Variants in ZNF480 observed in about 807,000 individuals in gnomAD.
ZNF480 encodes zinc finger protein 480.
A neutral mutation model predicts 14.4 loss-of-function variants in ZNF480; 15 were observed. That is an observed-to-expected ratio of 1.04 (90% confidence interval 0.70 to 1.60). ZNF480 has a LOEUF of 1.60. ZNF480 is among the 40% of genes most tolerant of loss of function. The pLI is 0.00. For missense variants in ZNF480, 593 were observed against 629.7 expected (o/e 0.94, Z 0.62); for synonymous variants, 218 against 215.5 (o/e 1.01, Z -0.10).
At chr19:52,317,099 C>T (rs1983594679) in intron 4 of ZNF480, among the ~76,000 whole-genome samples, 1 of 152,004 alleles carries the variant, frequency 6.6e-6, no homozygotes, top group Non-Finnish European at 1.5e-5. Flanking sequence ...CTCACTGCAA[C>T]CTCCACCCTC....
chr19:52,322,108 G>A lies in ZNF480; in HGVS notation c.858G>A (p.Pro286=), dbSNP rs146275422. The change falls in exon 5 of 5, where the codon CCG becomes CCA. Residue 286 remains proline (P), a synonymous_variant. Coordinates refer to ENST00000595962, the MANE Select transcript of ZNF480 (RefSeq NM_144684.4). ...AAAGAATTCATACCAGAGAGAAGCC[G>A]TATGAATGTAATGAATGTGGTAAAG... ...RHQRIHTREK[P]YECNECGKVF... The A allele has an allele frequency of 4.5e-5, 73 of 1,613,578 alleles. No homozygotes were observed. In the Middle Eastern group the frequency reaches 5.0e-4, roughly 11 times the overall value.
At chr19:52,303,669 G>A (rs1729892855) in intron 2 of ZNF480, among the ~76,000 whole-genome samples, 1 of 152,156 alleles carries the variant, frequency 6.6e-6, no homozygotes, top group Admixed American at 6.5e-5. Context: ...TTATGTACTT[G>A]TTTTTCAATG....
intron 2 of ZNF480, among the ~76,000 whole-genome samples, chr19:52,309,416 C>T (rs1460084466): frequency 2.0e-5 from 3 of 152,168 alleles, no homozygotes; most frequent in African/African-American, 2.4e-5. Context: ...CTGGGGTCTG[C>T]ACTGTCACCT....
Position 52,321,655 on chromosome 19 carries a change from T to G in ZNF480, c.405T>G (p.His135Gln), listed in dbSNP as rs1568636494. Residue 135 changes from histidine to glutamine, a missense_variant, in exon 5 of 5, where the codon CAT becomes CAG. His to Gln is a conservative substitution (Grantham distance 24). Transcript: ENST00000595962. The part of the protein sequence containing the change: ...KKQLGVSFHL[H>Q]LSELELFPDE... Reference sequence around the variant, plus strand: ...AACTTGGAGTATCCTTTCACTTACATCTGTCTGAACTGGAGCTATTTCCAG... The same window carrying G: ...AACTTGGAGTATCCTTTCACTTACAGCTGTCTGAACTGGAGCTATTTCCAG... 7 of 1,613,700 alleles carry G rather than the reference T, an allele frequency of 4.3e-6. No individual in the cohort carries two copies. Among genetic ancestry groups the G allele is most frequent in the Non-Finnish European group, 5.9e-6 (7 of 1,179,770 alleles).
In ZNF480 at chr19:52,310,479, T is replaced by C. The variant is rs183982842; in HGVS notation, c.73-3674T>C. ...TCCTGCCTCCAACCCCAACTAATTT[T>C]TTTTTTTTTAACCTCTCTTTCTGGC... is the stretch of plus-strand genomic sequence containing the variant. On this transcript the variant is annotated intron_variant, in intron 2 of 4. Transcript: ENST00000595962. 2.5e-3 allele frequency among the ~76,000 whole-genome samples: 375 copies of C among 152,214 alleles called. 2 individuals are homozygous for C. The highest frequency in any genetic ancestry group is 0.014 in the Middle Eastern group (4 of 294).
intron 2 of ZNF480, among the ~76,000 whole-genome samples, chr19:52,305,017 T>G (rs12984654): frequency 0.66 from 100,539 of 151,786 alleles, 34,609 homozygotes; most frequent in Non-Finnish European, 0.76. Flanking sequence ...GAGAATGGCG[T>G]GAACCTGGGA....
chr19:52,298,606 G>A (rs1982532639), intron 1 of ZNF480, among the ~76,000 whole-genome samples: 1 of 151,670 alleles, frequency 6.6e-6, no homozygotes, highest in African/African-American at 2.4e-5. Context: ...ACTCCAGGCT[G>A]GGCGACAAGA....
intron 4 of ZNF480, among the ~76,000 whole-genome samples, chr19:52,319,104 T>A (rs1299082037): frequency 1.3e-5 from 2 of 152,072 alleles, no homozygotes; most frequent in African/African-American, 2.4e-5. Context: ...CCTCAAGCAA[T>A]CTGCCCGCCT....
At chr19:52,306,743 T>G (rs1055148948) in intron 2 of ZNF480, among the ~76,000 whole-genome samples, 1 of 152,172 alleles carries the variant, frequency 6.6e-6, no homozygotes, top group African/African-American at 2.4e-5. Flanking sequence ...GTTGATCAGG[T>G]GGGTGTATTC....
chr19:52,300,274 G>A, intron 1 of ZNF480, 120 bp from the exon 2 acceptor site: 1 of 1,037,162 alleles, frequency 9.6e-7, no homozygotes, highest in Non-Finnish European at 1.4e-6. Flanking sequence ...ATCAACTCTG[G>A]TGCAGTGGGC....
chr19:52,310,987 A>T (rs1983252267), intron 2 of ZNF480, among the ~76,000 whole-genome samples: 1 of 144,400 alleles, frequency 6.9e-6, no homozygotes, highest in Non-Finnish European at 1.5e-5. Flanking sequence ...CCTGGGTGAC[A>T]GAGCGAGATT....
At position 52,322,012 on chromosome 19, in the gene ZNF480, T is replaced by G. The variant is rs1245352752; in HGVS notation, c.762T>G (p.Thr254=). 2.5e-6 allele frequency: 4 copies of G among 1,612,482 alleles called. No homozygotes were observed. The South Asian group carries it at 3.3e-5, about 13-fold the overall frequency. The change falls in exon 5 of 5, where the codon ACT becomes ACG. Residue 254 remains threonine, a synonymous_variant. Coordinates refer to ENST00000595962, the MANE Select transcript of ZNF480 (RefSeq NM_144684.4). ...SHLAEHCRIH[T]GEKPYKCNVC... is the part of the protein sequence containing the mutation. ...TTGCAGAACATTGTAGAATTCATAC[T>G]GGAGAGAAACCTTACAAATGTAATG...
At chr19:52,314,496 A>AAC in intron 3 of ZNF480, among the ~76,000 whole-genome samples, 1 of 150,186 alleles carries the variant, frequency 6.7e-6, no homozygotes, top group African/African-American at 2.5e-5. Flanking sequence ...AAAAAAAAAA[A>AAC]AACCAAAAAA....
intron 1 of ZNF480, among the ~76,000 whole-genome samples, chr19:52,298,191 C>G (rs1366416190): frequency 6.6e-6 from 1 of 151,488 alleles, no homozygotes; most frequent in Non-Finnish European, 1.5e-5. Context: ...GCTGGGACAG[C>G]AAGAGGAGTC....
At chr19:52,298,646 A>G (rs1982536863) in intron 1 of ZNF480, among the ~76,000 whole-genome samples, 1 of 152,004 alleles carries the variant, frequency 6.6e-6, no homozygotes, top group Non-Finnish European at 1.5e-5. Flanking sequence ...AAAAAAAAAA[A>G]AAAGAGACAA....
intron 1 of ZNF480, among the ~76,000 whole-genome samples, chr19:52,298,894 C>T (rs969671302): frequency 1.3e-5 from 2 of 151,952 alleles, no homozygotes; most frequent in African/African-American, 4.8e-5. Context: ...GAGGGAAACA[C>T]AGTACCCAGA....
chr19:52,306,190 G>A (rs2122524838), intron 2 of ZNF480, among the ~76,000 whole-genome samples: 1 of 152,310 alleles, frequency 6.6e-6, no homozygotes, highest in African/African-American at 2.4e-5. Context: ...GATTGGCATT[G>A]TCAAAAACTA....
chr19:52,322,164 A>G lies in ZNF480; in HGVS notation c.914A>G (p.His305Arg). 2 of 1,614,034 alleles carry G rather than the reference A, an allele frequency of 1.2e-6. No individual in the cohort carries two copies. The highest frequency in any genetic ancestry group is 1.7e-6 in the Non-Finnish European group (2 of 1,180,006). ...VFSNNSYLARHQRIHAEEKPY... is the reference protein window; with the variant it reads ...VFSNNSYLARRQRIHAEEKPY... ...AGTAATAATTCTTACCTTGCACGAC[A>G]TCAAAGAATTCATGCTGAAGAGAAA... The change falls in exon 5 of 5, where the codon CAT (histidine) becomes CGT (arginine). Residue 305 changes from histidine (H) to arginine (R), a missense_variant. Physicochemically the swap from His to Arg is conservative, Grantham distance 29 (BLOSUM62 0). Transcript: ENST00000595962.
At chr19:52,300,604 CT>C in intron 2 of ZNF480, 120 bp downstream of exon 2, 1 of 1,539,994 alleles carries the variant, frequency 6.5e-7, no homozygotes, top group Non-Finnish European at 8.8e-7. Context: ...TCACGCTTAC[CT>C]ATGCCTTCCC....
Sources: gnomAD v4.1 joint callset for allele counts (sites outside exome capture counted in the v4.1 genomes callset) on GRCh38, gnomAD v4.1.1 for gene constraint, MANE v1.5 for transcripts, NCBI Gene and HGNC (gene_info 2026-07-23, HGNC 2026-07-21) for gene names.